Variants in ZNF331 observed in about 807,000 individuals in gnomAD.
The protein encoded by ZNF331 is C2H2-like zinc finger protein rearranged in thyroid adenomas.
Under a neutral mutation model 7.0 loss-of-function variants are expected in ZNF331, and 2 were observed. That is an observed-to-expected ratio of 0.29 (90% confidence interval 0.12 to 0.90). The LOEUF is 0.90. Ranked by LOEUF, ZNF331 falls within the 40% of genes least tolerant of loss-of-function variation. The pLI, the probability that ZNF331 is intolerant of heterozygous loss-of-function variation, is 0.58. For missense variants in ZNF331, 432 were observed against 587.7 expected (o/e 0.74, Z 2.74); for synonymous variants, 196 against 205.4 (o/e 0.95, Z 0.39).
intron 2 of ZNF331, among the ~76,000 whole-genome samples, chr19:53,524,098 C>G (rs1336878684): frequency 2.6e-5 from 4 of 152,156 alleles, no homozygotes; most frequent in African/African-American, 9.7e-5. Flanking sequence ...TGAACTCATC[C>G]TTTTTTATGG....
Position 53,577,748 on chromosome 19 carries a change from G to A in ZNF331, c.1188G>A (p.Ser396=), listed in dbSNP as rs199753274. ...GTGGGAAGGCTTTCATTTATGGATCGAGCCTCGTGAAACATGAGAGAATTC... is the reference window on the plus strand; with the variant it reads ...GTGGGAAGGCTTTCATTTATGGATCAAGCCTCGTGAAACATGAGAGAATTC... The part of the protein sequence containing the change: ...KECGKAFIYG[S]SLVKHERIHT... Residue 396 remains serine (S), a synonymous_variant, in exon 6 of 6, where the codon TCG becomes TCA. Coordinates refer to ENST00000449416, the MANE Select transcript of ZNF331 (RefSeq NM_001079906.2). The A allele has an allele frequency of 1.1e-5, 17 of 1,613,758 alleles. No homozygotes were observed. Among genetic ancestry groups the A allele is most frequent in the African/African-American group, 2.7e-5 (2 of 74,884 alleles).
chr19:53,579,169 A>G lies in ZNF331; in HGVS notation c.*1217A>G. The G allele has an allele frequency of 4.8e-6, 1 of 206,246 alleles. No homozygotes were observed. Among genetic ancestry groups the G allele is most frequent in the Non-Finnish European group, 9.9e-6 (1 of 100,896 alleles). The allele number at this position is 206,246 out of a possible 1,614,324, so 12.8% of individuals were successfully genotyped here. A position where few individuals can be genotyped will look rare whatever the true frequency, so the allele number is the denominator to read the frequency against. ...GGCAAATTTGAAGAGTGGAAAAATC[A>G]CTTTTTCTGAATGATCTTGTTTTTG... On this transcript the variant is annotated 3_prime_UTR_variant, in exon 6 of 6. Transcript: ENST00000449416.
At chr19:53,550,843 C>CTTTTTTTTTTTTTTT (rs752603959) in intron 2 of ZNF331, among the ~76,000 whole-genome samples, 1 of 129,550 alleles carries the variant, frequency 7.7e-6, no homozygotes, top group Non-Finnish European at 1.6e-5. Context: ...GGCCGTTAAT[C>CTTTTTTTTTTTTTTT]TTTTTTTTTT....
upstream of ZNF331, among the ~76,000 whole-genome samples, chr19:53,519,254 T>A (rs1200780523): frequency 6.6e-6 from 1 of 152,032 alleles, no homozygotes; most frequent in Non-Finnish European, 1.5e-5. Context: ...CACCAATGAT[T>A]CTCTCCCAAC....
rs1303005062 is a variant in ZNF331, at chr19:53,571,296, G to T, written c.10-308G>T. ...CACTTGTTGAGAACTTATAAGGCAG[G>T]CACGTAGCAGACACTGCTTGTAAGC... is the stretch of plus-strand genomic sequence containing the variant. On this transcript the variant is annotated intron_variant, in intron 4 of 5. Coordinates refer to ENST00000449416, the MANE Select transcript of ZNF331 (RefSeq NM_001079906.2). The surrounding 1 kb of genome is among the most constrained non-coding windows in gnomAD (Gnocchi z 4.7). 6.6e-6 allele frequency among the ~76,000 whole-genome samples: 1 copy of T among 152,172 alleles called. No individual in the cohort carries two copies. The highest frequency in any genetic ancestry group is 2.4e-5 in the African/African-American group (1 of 41,436).
chr19:53,505,436 T>C, the ZNF331 span, among the ~76,000 whole-genome samples: 86 of 152,240 alleles, frequency 5.6e-4, no homozygotes, highest in Admixed American at 1.2e-3. Flanking sequence ...TGGGCTCAAG[T>C]GATCTGCCCG....
In ZNF331 at chr19:53,546,140, G is replaced by GAAAAAAAAAAA. The variant is rs527391326; in HGVS notation, c.-138+6869_-138+6879dup. ...CCTTCAGAAAAAGCATCCTGAGGGG[G>GAAAAAAAAAAA]AAAAAAAAAAAAAAAAAAAAATTAT... On this transcript the variant is annotated intron_variant, in intron 2 of 5. Coordinates refer to ENST00000449416, the MANE Select transcript of ZNF331 (RefSeq NM_001079906.2). Among the ~76,000 whole-genome samples, 372 of 113,396 alleles carry GAAAAAAAAAAA rather than the reference G, an allele frequency of 3.3e-3. 2 individuals carry two copies. The highest frequency in any genetic ancestry group is 9.9e-3 in the African/African-American group (340 of 34,288). The allele number at this position is 113,396 out of a possible 152,430, so 74.4% of individuals were successfully genotyped here.
At position 53,571,529 on chromosome 19, in the gene ZNF331, G is replaced by A; in HGVS notation, c.10-75G>A. ...GCTCACGGTGTTCACCCTACCCAGAGGGTGGCCTCCTGTCTCCTTCATCTG... is the reference window on the plus strand; with the variant it reads ...GCTCACGGTGTTCACCCTACCCAGAAGGTGGCCTCCTGTCTCCTTCATCTG... On this transcript the variant is annotated intron_variant, in intron 4 of 5. Coordinates refer to ENST00000449416, the MANE Select transcript of ZNF331 (RefSeq NM_001079906.2). The surrounding 1 kb of genome is among the most constrained non-coding windows in gnomAD (Gnocchi z 4.7). The A allele has an allele frequency of 6.3e-7, 1 of 1,580,042 alleles. No homozygotes were observed. Among genetic ancestry groups the A allele is most frequent in the Non-Finnish European group, 8.6e-7 (1 of 1,162,648 alleles).
chr19:53,507,644 G>A, the ZNF331 span, among the ~76,000 whole-genome samples: 160 of 152,292 alleles, frequency 1.1e-3, no homozygotes, highest in African/African-American at 3.7e-3. Context: ...CACAGCAGAG[G>A]CTGTTCGGGC....
chr19:53,562,403 A>T (rs116599566), intron 3 of ZNF331, among the ~76,000 whole-genome samples: 5,046 of 151,636 alleles, frequency 0.033, 269 homozygotes, highest in African/African-American at 0.11. Context: ...AGAACACAAG[A>T]TTCACGCCGG....
At chr19:53,550,632 G>A (rs1434339558) in intron 2 of ZNF331, among the ~76,000 whole-genome samples, 1 of 128,342 alleles carries the variant, frequency 7.8e-6, no homozygotes, top group South Asian at 2.6e-4. Flanking sequence ...CGCCTCCCAA[G>A]TTCAAGCGAT....
In ZNF331 at chr19:53,576,865, A is replaced by T. The variant is rs1442019548; in HGVS notation, c.305A>T (p.Gln102Leu). ...PQRSRGRYVN[Q>L]MIINYVKRPA... ...CGCTCCAGAGGGAGGTATGTCAATC[A>T]GATGATCATCAATTATGTCAAAAGA... The change falls in exon 6 of 6, where the codon CAG becomes CTG. Residue 102 changes from glutamine (Q) to leucine (L), a missense_variant. This residue lies in a region of ZNF331 where 81 missense variants were observed against 70.3 expected (regional missense o/e 1.15). Coordinates refer to ENST00000449416, the MANE Select transcript of ZNF331 (RefSeq NM_001079906.2). 6.2e-7 allele frequency: 1 copy of T among 1,614,078 alleles called. No individual in the cohort carries two copies. The highest frequency in any genetic ancestry group is 1.3e-5 in the African/African-American group (1 of 74,940).
rs1180720888 is a variant in ZNF331 at position 53,577,683 on chromosome 19, A to C, written c.1123A>C (p.Arg375=). ...TGGCTATCACCTCACTCAGCACGAG[A>C]GAATCCACACAGGCGAAACCCCGTA... ...NCGYHLTQHE[R]IHTGETPYKC... The change falls in exon 6 of 6, where the codon AGA becomes CGA. Residue 375 remains arginine, a synonymous_variant. Coordinates refer to ENST00000449416, the MANE Select transcript of ZNF331 (RefSeq NM_001079906.2). 2.5e-6 allele frequency: 4 copies of C among 1,614,168 alleles called. No homozygotes were observed. The South Asian group carries it at 4.4e-5, about 18-fold the overall frequency.
chr19:53,513,394 A>G, the ZNF331 span, among the ~76,000 whole-genome samples: 1 of 152,082 alleles, frequency 6.6e-6, no homozygotes, highest in Non-Finnish European at 1.5e-5. Context: ...TAATTCTCAT[A>G]TTGTTTTGAG....
chr19:53,532,208 C>T (rs889687293), intron 2 of ZNF331, among the ~76,000 whole-genome samples: 1 of 152,046 alleles, frequency 6.6e-6, no homozygotes, highest in African/African-American at 2.4e-5. Flanking sequence ...GAATTTATTC[C>T]TCCTCTCTAG....
upstream of ZNF331, chr19:53,537,871 CTG>C (rs1237951820): frequency 1.3e-5 from 2 of 152,314 alleles, no homozygotes; most frequent in South Asian, 2.1e-4. Flanking sequence ...GTGTCGGGCT[CTG>C]TTGTGTCTGC....
chr19:53,541,193 T>G (rs1054582885), intron 2 of ZNF331, among the ~76,000 whole-genome samples: 2 of 151,002 alleles, frequency 1.3e-5, no homozygotes, highest in African/African-American at 2.4e-5. Flanking sequence ...CCGTAACCTC[T>G]GCCTCCTGGG....
chr19:53,563,106 G>A (rs985688601), intron 3 of ZNF331, among the ~76,000 whole-genome samples: 1 of 24,550 alleles, frequency 4.1e-5, no homozygotes, highest in Non-Finnish European at 6.7e-5. Context: ...CCCCGTCCCC[G>A]AGAAGGAGTC....
chr19:53,546,002 A>C (rs1469280142), intron 2 of ZNF331, among the ~76,000 whole-genome samples: 1 of 151,850 alleles, frequency 6.6e-6, no homozygotes, highest in Non-Finnish European at 1.5e-5. Flanking sequence ...CTCCATTCGG[A>C]TTGGTTTCGG....
Sources: gnomAD v4.1 joint callset for allele counts (sites outside exome capture counted in the v4.1 genomes callset) on GRCh38, gnomAD v4.1.1 for gene constraint, gnomAD v4.1.1 regional missense constraint, Gnocchi (gnomAD v3.1) non-coding constraint, MANE v1.5 for transcripts, NCBI Gene and HGNC (gene_info 2026-07-23, HGNC 2026-07-21) for gene names.